JARID2: variants seen among roughly 807,000 people sequenced by gnomAD.
JARID2 encodes the protein jumonji and AT-rich interaction domain containing 2, also known as protein Jumonji.
In JARID2, 21 loss-of-function variants were observed where a neutral mutation model predicts 125.6. That is an observed-to-expected ratio of 0.17 (90% CI 0.12 to 0.24). JARID2 has a LOEUF of 0.24. JARID2 is among the 10% of genes least tolerant of loss of function. JARID2 has a pLI of 1.00. For missense variants in JARID2, 1,303 were observed against 1,639.6 expected, an observed-to-expected ratio of 0.79 and a Z score of 3.55; for synonymous variants, 736 against 661.6, an observed-to-expected ratio of 1.11 and a Z score of -1.73.
chr6:15,508,681 G>C (rs1209372016), intron 12 of JARID2, among the ~76,000 whole-genome samples: 1 of 152,330 alleles, frequency 6.6e-6, no homozygotes, highest in East Asian at 1.9e-4. Context: ...GTCTGATGAT[G>C]AGCAAATCTT....
At chr6:15,286,667 T>A (rs1317994822) in intron 1 of JARID2, among the ~76,000 whole-genome samples, 1 of 151,688 alleles carries the variant, frequency 6.6e-6, no homozygotes, top group African/African-American at 2.4e-5. Context: ...GAGAGCATCC[T>A]GGCTAACACG....
At chr6:15,453,048 A>G (rs1767993472) in intron 4 of JARID2, among the ~76,000 whole-genome samples, 1 of 152,230 alleles carries the variant, frequency 6.6e-6, no homozygotes, top group African/African-American at 2.4e-5. Context: ...TTAACCTTAA[A>G]AAGTTTCCAC....
rs1319656290 is a variant in JARID2, at chr6:15,487,295, C to T, written c.671-12C>T. ...GTAGTGATTTCATTCTTGTTTTCTC[C>T]TTCCTTTCTAGTTTTCAATGGTTCC... is the stretch of plus-strand genomic sequence containing the variant. On this transcript the variant is annotated splice_polypyrimidine_tract_variant and intron_variant, in intron 5 of 17. Transcript: ENST00000341776. 1.2e-6 allele frequency: 2 copies of T among 1,610,960 alleles called. No homozygotes were observed. Among genetic ancestry groups the T allele is most frequent in the East Asian group, 2.2e-5 (1 of 44,830 alleles).
intron 16 of JARID2, among the ~76,000 whole-genome samples, chr6:15,516,042 T>G (rs1384537369): frequency 6.6e-6 from 1 of 151,174 alleles, no homozygotes. Flanking sequence ...AAAATTGGGG[T>G]TTGACTTATA....
intron 4 of JARID2, among the ~76,000 whole-genome samples, chr6:15,456,245 T>G (rs1768172154): frequency 6.6e-6 from 1 of 152,218 alleles, no homozygotes; most frequent in Admixed American, 6.5e-5. Flanking sequence ...TATTTATTGT[T>G]CAAATAAATG....
intron 5 of JARID2, among the ~76,000 whole-genome samples, chr6:15,478,359 T>C (rs1031129770): frequency 6.6e-6 from 1 of 152,154 alleles, no homozygotes; most frequent in Non-Finnish European, 1.5e-5. Context: ...GGGGAGGATA[T>C]GTGAGGGTGG....
At chr6:15,374,040 A>G (rs1764262856) in intron 1 of JARID2, 77 bp from the exon 2 acceptor site, 7 of 1,550,382 alleles carry the variant, frequency 4.5e-6, no homozygotes, top group Non-Finnish European at 6.2e-6. Flanking sequence ...AATTCCTTTA[A>G]AATAAAGTTT....
intron 1 of JARID2, among the ~76,000 whole-genome samples, chr6:15,282,423 C>T (rs1402457258): frequency 6.6e-6 from 1 of 152,158 alleles, no homozygotes; most frequent in African/African-American, 2.4e-5. Flanking sequence ...TTGCATTTCT[C>T]TGTTCTCAGC....
At chr6:15,294,428 G>A (rs1410695421) in intron 1 of JARID2, among the ~76,000 whole-genome samples, 8 of 152,304 alleles carry the variant, frequency 5.3e-5, no homozygotes, top group East Asian at 3.9e-4. Flanking sequence ...TCCTGGCCTC[G>A]TGATCCGCCC....
chr6:15,481,981 A>G (rs1581625601), intron 5 of JARID2, among the ~76,000 whole-genome samples: 1 of 152,090 alleles, frequency 6.6e-6, no homozygotes, highest in African/African-American at 2.4e-5. Context: ...TGTCCATAGT[A>G]TTTTCCTGAG....
chr6:15,295,913 G>T (rs1761395269), intron 1 of JARID2, among the ~76,000 whole-genome samples: 1 of 152,094 alleles, frequency 6.6e-6, no homozygotes, highest in African/African-American at 2.4e-5. Context: ...CACCCTCCTT[G>T]GCCTCCCAAT....
intron 3 of JARID2, among the ~76,000 whole-genome samples, chr6:15,420,055 T>A (rs1766414148): frequency 6.6e-6 from 1 of 152,200 alleles, no homozygotes; most frequent in African/African-American, 2.4e-5. Flanking sequence ...TTTTAGATAG[T>A]TTATACCCTA....
chr6:15,297,627 C>T (rs1761462061), intron 1 of JARID2, among the ~76,000 whole-genome samples: 1 of 152,106 alleles, frequency 6.6e-6, no homozygotes, highest in African/African-American at 2.4e-5. Context: ...CAGGCATGAG[C>T]CACCGTGCTT....
At chr6:15,320,297 A>G (rs1024007081) in intron 1 of JARID2, among the ~76,000 whole-genome samples, 1 of 152,264 alleles carries the variant, frequency 6.6e-6, no homozygotes, top group Non-Finnish European at 1.5e-5. Flanking sequence ...ATAAGCCGGT[A>G]ATTCAAGTTA....
At chr6:15,487,163 C>T in intron 5 of JARID2, 144 bp from the exon 6 acceptor site, 1 of 682,894 alleles carries the variant, frequency 1.5e-6, no homozygotes, top group Admixed American at 2.5e-5. Context: ...GATCCAGTCA[C>T]CTCCCACCAG....
chr6:15,442,749 C>T (rs1016460270), intron 3 of JARID2, among the ~76,000 whole-genome samples: 3 of 152,198 alleles, frequency 2.0e-5, no homozygotes, highest in Admixed American at 6.5e-5. Flanking sequence ...AAATTTGACA[C>T]GGTTGCTTTC....
At chr6:15,469,318 GTC>G (rs1212844795) in intron 5 of JARID2, among the ~76,000 whole-genome samples, 22 of 48,514 alleles carry the variant, frequency 4.5e-4, no homozygotes, top group East Asian at 2.8e-3. Context: ...CTCTCTCTCT[GTC>G]TCTCTCTCTC....
chr6:15,502,614 C>G (rs554139435), intron 8 of JARID2, among the ~76,000 whole-genome samples: 1 of 152,178 alleles, frequency 6.6e-6, no homozygotes, highest in Admixed American at 6.5e-5. Context: ...CTTAGAAATA[C>G]GGAGGAAGGG....
intron 1 of JARID2, among the ~76,000 whole-genome samples, chr6:15,275,649 T>A (rs1760477168): frequency 6.6e-6 from 1 of 151,306 alleles, no homozygotes; most frequent in Admixed American, 6.6e-5. Context: ...TGCAGTTGAT[T>A]ATGGCGTTAC....
Sources: gnomAD v4.1 joint callset for allele counts (sites outside exome capture counted in the v4.1 genomes callset) on GRCh38, gnomAD v4.1.1 for gene constraint, MANE v1.5 for transcripts, NCBI Gene and HGNC (gene_info 2026-07-23, HGNC 2026-07-21) for gene names.